NIPBL: variants seen among roughly 807,000 people sequenced by gnomAD.
NIPBL encodes NIPBL cohesin loading factor.
NIPBL carries 19 observed loss-of-function variants against 321.8 expected under a neutral mutation model. The ratio of observed to expected loss-of-function variants is 0.06; its 90% CI spans 0.04 to 0.09. The LOEUF (loss-of-function observed/expected upper bound fraction) is 0.09, where lower values mean the gene tolerates loss of function less well. NIPBL is among the 10% of genes least tolerant of loss of function. The probability of loss-of-function intolerance (pLI) is 1.00; values close to 1 mark genes in which losing one functional copy is unlikely to be tolerated. For synonymous variants in NIPBL, 1,106 were observed against 1,114.1 expected (o/e 0.99, Z 0.14); for missense variants, 2,210 against 3,327.0 (o/e 0.66, Z 8.26).
At chr5:37,024,499 A>C in intron 29 of NIPBL, 86 bp from the exon 30 acceptor site, 1 of 1,115,056 alleles carries the variant, frequency 9.0e-7, no homozygotes, top group Non-Finnish European at 1.3e-6. Flanking sequence ...AATAGTGAAT[A>C]TACTGCGTAT....
rs536532077 is a variant in NIPBL at position 36,884,624 on chromosome 5, T to C, written c.-80+7446T>C. ...CTGTGAAAGCAAAGAGATTTTGTAT[T>C]ATCTTCATCTGTATGTCTATAACAT... On this transcript the variant is annotated intron_variant, in intron 1 of 46. Coordinates refer to ENST00000282516, the MANE Select transcript of NIPBL (RefSeq NM_133433.4). 5.3e-5 allele frequency among the ~76,000 whole-genome samples: 8 copies of C among 152,340 alleles called. No homozygotes were observed. The East Asian group carries it at 1.3e-3, about 26-fold the overall frequency.
chr5:36,975,847 A>G lies in NIPBL; in HGVS notation c.940A>G (p.Ile314Val), dbSNP rs1461631091. The G allele has an allele frequency of 3.1e-6, 5 of 1,612,278 alleles. No individual in the cohort carries two copies. The highest frequency in any genetic ancestry group is 4.2e-6 in the Non-Finnish European group (5 of 1,179,442). The change falls in exon 9 of 47, where the codon ATC becomes GTC. Residue 314 changes from isoleucine (I) to valine (V), a missense_variant. Ile to Val is a conservative substitution (Grantham distance 29). Coordinates refer to ENST00000282516, the MANE Select transcript of NIPBL (RefSeq NM_133433.4). ...CSSPRDVPPD[I>V]LLDSPERKQK... ...ATCACCTCGAGATGTTCCACCAGAT[A>G]TCTTGCTAGATTCTCCAGAAAGAAA...
At chr5:37,064,392 T>C (rs867519457) in intron 46 of NIPBL, 135 bp from the exon 47 acceptor site, 15 of 1,535,870 alleles carry the variant, frequency 9.8e-6, no homozygotes, top group Middle Eastern at 4.6e-4. Context: ...ACGGTGCGTC[T>C]CATTGCCGGC....
chr5:37,059,171 G>A lies in NIPBL; in HGVS notation c.7685+6G>A. The stretch of plus-strand genomic sequence containing the variant: ...CTTTGTGGATTTTCTGATAGGTAAG[G>A]TTACATAAGCAGTGAGAGAAAAAAC... On this transcript the variant is annotated splice_donor_region_variant and intron_variant, in intron 44 of 46. Transcript: ENST00000282516. 3 of 1,613,884 alleles carry A rather than the reference G, an allele frequency of 1.9e-6. No homozygotes were observed. Among genetic ancestry groups the A allele is most frequent in the Non-Finnish European group, 1.7e-6 (2 of 1,179,894 alleles).
At chr5:36,979,779 A>G (rs1743928847) in intron 9 of NIPBL, among the ~76,000 whole-genome samples, 1 of 151,750 alleles carries the variant, frequency 6.6e-6, no homozygotes, top group South Asian at 2.1e-4. Flanking sequence ...AAATGAAAAA[A>G]GTAATATTAC....
chr5:36,976,472 T>TC (rs1184686096), intron 9 of NIPBL, 70 bp downstream of exon 9: 2 of 1,511,978 alleles, frequency 1.3e-6, no homozygotes, highest in Admixed American at 3.5e-5. Context: ...AAAATTTTTT[T>TC]CACATTACTT....
At chr5:36,887,418 A>G (rs1031834300) in intron 1 of NIPBL, among the ~76,000 whole-genome samples, 19 of 152,320 alleles carry the variant, frequency 1.2e-4, no homozygotes, top group Non-Finnish European at 1.9e-4. Flanking sequence ...CTCTCTTCCA[A>G]TGATTAAAGT....
intron 8 of NIPBL, among the ~76,000 whole-genome samples, chr5:36,973,751 G>A (rs914728124): frequency 6.6e-6 from 1 of 152,140 alleles, no homozygotes; most frequent in African/African-American, 2.4e-5. Context: ...TTACAGGCGT[G>A]AGCCACCACA....
chr5:36,899,727 T>C (rs1465990617), intron 1 of NIPBL, among the ~76,000 whole-genome samples: 1 of 152,224 alleles, frequency 6.6e-6, no homozygotes, highest in Non-Finnish European at 1.5e-5. Flanking sequence ...TGAATATTAC[T>C]TAAGTACATG....
intron 1 of NIPBL, among the ~76,000 whole-genome samples, chr5:36,934,727 A>G (rs191158124): frequency 4.6e-5 from 7 of 151,992 alleles, no homozygotes; most frequent in East Asian, 1.9e-4. Context: ...AGAATCATGA[A>G]TGAATTCCCA....
In NIPBL at chr5:37,020,788, A is replaced by G. The variant is rs1179450261; in HGVS notation, c.5239A>G (p.Thr1747Ala). 29 of 1,614,046 alleles carry G rather than the reference A, an allele frequency of 1.8e-5. No homozygotes were observed. The highest frequency in any genetic ancestry group is 2.5e-5 in the Non-Finnish European group (29 of 1,179,900). ...TTTTTGTTGCAGGATGAACTCTGAT[A>G]CTGTGGACTATGATGATGCTTGCTT... The part of the protein sequence containing the change: ...QFSTLKMNSD[T>A]VDYDDACLIV... The change falls in exon 27 of 47, where the codon ACT becomes GCT. Residue 1747 changes from threonine to alanine, a missense_variant. Thr to Ala is a moderately conservative substitution (Grantham distance 58). This residue lies in a region of NIPBL where 138 missense variants were observed against 175.8 expected (regional missense o/e 0.79). Transcript: ENST00000282516.
intron 1 of NIPBL, among the ~76,000 whole-genome samples, chr5:36,905,667 G>A (rs755359557): frequency 6.6e-6 from 1 of 152,026 alleles, no homozygotes; most frequent in Non-Finnish European, 1.5e-5. Context: ...TCAGTGAGAT[G>A]TTAGGTAGGC....
At chr5:36,893,171 G>A (rs1746473382) in intron 1 of NIPBL, among the ~76,000 whole-genome samples, 2 of 152,136 alleles carry the variant, frequency 1.3e-5, no homozygotes, top group South Asian at 4.1e-4. Flanking sequence ...TCTTCAGTTA[G>A]TTTTATACTA....
At chr5:37,025,816 A>G (rs1303992525) in intron 30 of NIPBL, among the ~76,000 whole-genome samples, 1 of 152,060 alleles carries the variant, frequency 6.6e-6, no homozygotes, top group Admixed American at 6.6e-5. Flanking sequence ...TAAAAAAAAA[A>G]TTTTAAGTTT....
intron 34 of NIPBL, 64 bp downstream of exon 34, chr5:37,038,802 T>G: frequency 6.6e-7 from 1 of 1,517,980 alleles, no homozygotes; most frequent in Non-Finnish European, 9.0e-7. Flanking sequence ...AAATTTAGAG[T>G]TCACATGCGT....
intron 1 of NIPBL, among the ~76,000 whole-genome samples, chr5:36,892,541 A>G (rs200509483): frequency 7.0e-4 from 106 of 152,292 alleles, no homozygotes; most frequent in Middle Eastern, 3.4e-3. Flanking sequence ...ACCAACCCAA[A>G]TATCCAACAA....
chr5:37,011,316 G>A (rs145325969), intron 21 of NIPBL, among the ~76,000 whole-genome samples: 70 of 152,248 alleles, frequency 4.6e-4, no homozygotes, highest in African/African-American at 1.6e-3. Context: ...AGCACTTTGC[G>A]AGGTCAAGGT....
At chr5:36,938,712 C>T (rs2149580447) in intron 1 of NIPBL, among the ~76,000 whole-genome samples, 1 of 152,012 alleles carries the variant, frequency 6.6e-6, no homozygotes, top group South Asian at 2.1e-4. Context: ...AATGTAAATC[C>T]ATAGGAAGTT....
At chr5:36,926,132 A>G (rs1371513752) in intron 1 of NIPBL, among the ~76,000 whole-genome samples, 1 of 152,176 alleles carries the variant, frequency 6.6e-6, no homozygotes, top group African/African-American at 2.4e-5. Flanking sequence ...ACCACTTTTG[A>G]ACACTGTAAA....
Sources: allele counts gnomAD v4.1 joint callset (sites outside exome capture counted in the v4.1 genomes callset), GRCh38; gene constraint gnomAD v4.1.1; regional missense constraint gnomAD v4.1.1; transcripts MANE v1.5; gene names NCBI Gene and HGNC (gene_info 2026-07-23, HGNC 2026-07-21).